KMT2D: variants seen among roughly 807,000 people sequenced by gnomAD.
The protein encoded by KMT2D is histone-lysine N-methyltransferase 2D.
KMT2D carries 55 observed loss-of-function variants against 512.7 expected under a neutral mutation model. That is an observed-to-expected ratio of 0.11 (90% confidence interval 0.09 to 0.13). The LOEUF is 0.13. Among genes scored for constraint, KMT2D ranks in the 10% least tolerant of loss-of-function variants. The pLI is 1.00. For missense variants in KMT2D, 6,061 were observed against 7,127.9 expected (o/e 0.85, Z 5.39); for synonymous variants, 2,995 against 2,904.0 (o/e 1.03, Z -1.01).
Position 49,056,556 on chromosome 12 carries a change from A to G in KMT2D, c.-37-1195T>C, listed in dbSNP as rs114632104. Among the ~76,000 whole-genome samples, 1,026 of 152,356 alleles carry G rather than the reference A, an allele frequency of 6.7e-3. 13 individuals are homozygous for G. The highest frequency in any genetic ancestry group is 0.023 in the African/African-American group (959 of 41,576). ...GTTAGCAGCTTGTAGTGGGAAATGT[A>G]GACCCTTTCTCTTAATCAGAGAAGG... On this transcript the variant is annotated intron_variant, in intron 1 of 54. Coordinates refer to ENST00000301067, the MANE Select transcript of KMT2D (RefSeq NM_003482.4).
rs1942369078 is a variant in KMT2D, at chr12:49,022,293, C to T, written c.16399G>A (p.Gly5467Ser). The change falls in exon 53 of 55, where the codon GGC becomes AGC. Residue 5467 changes from glycine (G) to serine (S), a missense_variant. Physicochemically the swap from Gly to Ser is moderately conservative, Grantham distance 56 (BLOSUM62 0). Transcript: ENST00000301067. This position sits in a 1 kb window ranked among gnomAD's most constrained non-coding sequence, Gnocchi z 8.6. Reference sequence around the variant, plus strand: ...GTCATCTCTCACCTGGCAGGGCCGCCGGTCAACGTAGCATCAATCACATGT... The same window carrying T: ...GTCATCTCTCACCTGGCAGGGCCGCTGGTCAACGTAGCATCAATCACATGT... ...NEHVIDATLTGGPARYINHSC... is the reference protein window; with the variant it reads ...NEHVIDATLTSGPARYINHSC... 1.2e-6 allele frequency: 2 copies of T among 1,605,968 alleles called. No individual in the cohort carries two copies. Among genetic ancestry groups the T allele is most frequent in the Admixed American group, 1.7e-5 (1 of 59,816 alleles).
In KMT2D at chr12:49,022,109, G is replaced by A. The variant is rs574823331; in HGVS notation, c.16455C>T (p.Val5485=). 8.7e-6 allele frequency: 14 copies of A among 1,613,938 alleles called. No individual in the cohort carries two copies. Among genetic ancestry groups the A allele is most frequent in the East Asian group, 4.5e-5 (2 of 44,894 alleles). ...TTTTGTCCTCTTTGTCAAATGTCAC[G>A]ACTTCGGCCACACAGTTAGGGGCAC... The part of the protein sequence containing the change: ...HSCAPNCVAE[V]VTFDKEDKII... Residue 5485 remains valine (V), a synonymous_variant, in exon 54 of 55, where the codon GTC becomes GTT. Transcript: ENST00000301067. This position sits in a 1 kb window ranked among gnomAD's most constrained non-coding sequence, Gnocchi z 8.6.
At chr12:49,030,242 C>A (rs778141116) in intron 43 of KMT2D, 38 bp downstream of exon 43, 17 of 1,561,586 alleles carry the variant, frequency 1.1e-5, no homozygotes, top group Non-Finnish European at 1.5e-5. Flanking sequence ...ACTCCAGCTA[C>A]CAAACTCCAC....
At position 49,034,820 on chromosome 12, in the gene KMT2D, A is replaced by G. The variant is rs766377253; in HGVS notation, c.10347T>C (p.Gly3449=). ...CCAGCCCTGAGTCTTACCTGTTCAT[A>G]CCAGGTGCCACCCCAATGCTGCCCT... is the stretch of plus-strand genomic sequence containing the variant. ...MAQGSIGVAP[G]MNRQQVSLLA... Residue 3449 remains glycine (G), a synonymous_variant, in exon 36 of 55, where the codon GGT becomes GGC. Coordinates refer to ENST00000301067, the MANE Select transcript of KMT2D (RefSeq NM_003482.4). 2 of 1,613,974 alleles carry G rather than the reference A, an allele frequency of 1.2e-6. No individual in the cohort carries two copies. The highest frequency in any genetic ancestry group is 2.2e-5 in the South Asian group (2 of 91,082).
rs897261357 is a variant in KMT2D at position 49,054,242 on chromosome 12, A to G, written c.510+65T>C. ...GTATACCCATGGTCCTTCTCATTCC[A>G]ACCTGACTCTCAGAAGCCCACCAGC... On this transcript the variant is annotated intron_variant, in intron 5 of 54. Coordinates refer to ENST00000301067, the MANE Select transcript of KMT2D (RefSeq NM_003482.4). The surrounding 1 kb of genome is among the most constrained non-coding windows in gnomAD (Gnocchi z 6.4). 1 of 1,539,262 alleles carries G rather than the reference A, an allele frequency of 6.5e-7. No individual in the cohort carries two copies. Among genetic ancestry groups the G allele is most frequent in the Non-Finnish European group, 8.8e-7 (1 of 1,135,924 alleles).
In KMT2D at chr12:49,042,483, G is replaced by A. The variant is rs755802521; in HGVS notation, c.5867+78C>T. On this transcript the variant is annotated intron_variant, in intron 28 of 54. Coordinates refer to ENST00000301067, the MANE Select transcript of KMT2D (RefSeq NM_003482.4). This position sits in a 1 kb window ranked among gnomAD's most constrained non-coding sequence, Gnocchi z 4.4. ...AGCAGGGGAAGTGCTGCAGGAGTCC[G>A]AGGGAGGCAAAGCATGAACTCAGAT... 178 of 1,547,862 alleles carry A rather than the reference G, an allele frequency of 1.1e-4. No individual in the cohort carries two copies. Among genetic ancestry groups the A allele is most frequent in the Non-Finnish European group, 1.4e-4 (160 of 1,135,758 alleles).
Position 49,041,450 on chromosome 12 carries a change from G to T in KMT2D, c.6320C>A (p.Pro2107His), listed in dbSNP as rs1418940802. 6 of 1,612,868 alleles carry T rather than the reference G, an allele frequency of 3.7e-6. No individual in the cohort carries two copies. In the Admixed American group the frequency reaches 8.3e-5, roughly 22 times the overall value. ...TDRPALHLRI[P>H]PQPGALGSPP... ...GCTGCCCAGTGCCCCTGGCTGCGGG[G>T]GAATGCGGAGATGTAGGGCCGGTCG... Residue 2107 changes from proline to histidine, a missense_variant, in exon 32 of 55, where the codon CCC (proline) becomes CAC (histidine). Around this residue, in one of 16 missense-constraint regions of KMT2D, gnomAD observed 710 missense variants for 647.3 expected, o/e 1.10. Transcript: ENST00000301067. This position sits in a 1 kb window ranked among gnomAD's most constrained non-coding sequence, Gnocchi z 5.4.
rs761707985 is a variant in KMT2D, at chr12:49,024,142, TTTA to T, written c.16052+433_16052+435del. ...ATAAAGTGCTATACAAATGTAAGGTTTTATTATTTTTCTATTATATCTCTAACT... is the reference window on the plus strand; with the variant it reads ...ATAAAGTGCTATACAAATGTAAGGTTTTATTTTTCTATTATATCTCTAACT... On this transcript the variant is annotated intron_variant, in intron 51 of 54. Coordinates refer to ENST00000301067, the MANE Select transcript of KMT2D (RefSeq NM_003482.4). The surrounding 1 kb of genome is among the most constrained non-coding windows in gnomAD (Gnocchi z 4.5). 2 of 444,136 alleles carry T rather than the reference TTTA, an allele frequency of 4.5e-6. No individual in the cohort carries two copies. The highest frequency in any genetic ancestry group is 1.6e-5 in the South Asian group (1 of 61,080). The allele number at this position is 444,136 out of a possible 1,614,324, so 27.5% of individuals were successfully genotyped here.
At position 49,030,882 on chromosome 12, in the gene KMT2D, T is replaced by TG. The variant is rs147210845; in HGVS notation, c.13671+10dup. On this transcript the variant is annotated intron_variant, in intron 41 of 54. Coordinates refer to ENST00000301067, the MANE Select transcript of KMT2D (RefSeq NM_003482.4). The stretch of plus-strand genomic sequence containing the variant: ...GGATGGGACCAGGGGGACTGTCTCC[T>TG]GGGGGGTCACCTGTTTCAGCTGTTT... The TG allele has an allele frequency of 2.7e-3, 4,310 of 1,613,634 alleles. 114 individuals carry two copies. In the African/African-American group the frequency reaches 0.05, roughly 19 times the overall value.
In KMT2D at chr12:49,031,068, T is replaced by C. The variant is rs773660301; in HGVS notation, c.13531-35A>G. The C allele has an allele frequency of 1.5e-5, 24 of 1,612,844 alleles. 1 individual carries two copies. In the South Asian group the frequency reaches 2.6e-4, roughly 18 times the overall value. ...ATAAGCCCATTGAAGGCTGCTACCC[T>C]CCTCCTCAGAGCCCTCATCTCTTCT... On this transcript the variant is annotated intron_variant, in intron 40 of 54. Transcript: ENST00000301067.
At position 49,032,821 on chromosome 12, in the gene KMT2D, G is replaced by T; in HGVS notation, c.11884C>A (p.Gln3962Lys). 2 of 1,551,040 alleles carry T rather than the reference G, an allele frequency of 1.3e-6. No individual in the cohort carries two copies. Among genetic ancestry groups the T allele is most frequent in the South Asian group, 2.4e-5 (2 of 84,026 alleles). Residue 3962 changes from glutamine (Q) to lysine (K), a missense_variant, in exon 40 of 55, where the codon CAA becomes AAA. Coordinates refer to ENST00000301067, the MANE Select transcript of KMT2D (RefSeq NM_003482.4). ...TGCTGCTGTTGAAACTGCTGCTGTT[G>T]TTGTTGCTGTTGCTGTTGTAGCTGC... The part of the protein sequence containing the change: ...QQQLQQQQQQ[Q>K]QQQFQQQQQQ...
rs1224151185 is a variant in KMT2D at position 49,045,027 on chromosome 12, A to T, written c.4742-62T>A. ...AAGCCCCAGGGAAACCAGAACTGCA[A>T]GTTTCAACCTATGTCCTTAGCTGAG... On this transcript the variant is annotated intron_variant, in intron 19 of 54. Transcript: ENST00000301067. 5 of 1,476,612 alleles carry T rather than the reference A, an allele frequency of 3.4e-6. No homozygotes were observed. The Admixed American group carries it at 8.5e-5, about 25-fold the overall frequency. 91.5% of individuals were successfully genotyped at this position (1,476,612 alleles called of 1,614,324 possible). A position where few individuals can be genotyped will look rare whatever the true frequency, so the allele number is the denominator to read the frequency against.
intron 1 of KMT2D, among the ~76,000 whole-genome samples, chr12:49,056,234 A>G (rs545356883): frequency 1.3e-5 from 2 of 152,338 alleles, no homozygotes; most frequent in Admixed American, 1.3e-4. Context: ...AGGGCAGGAC[A>G]TAGCACAGCA....
In KMT2D at chr12:49,032,867, T is replaced by C. The variant is rs1421051475; in HGVS notation, c.11838A>G (p.Gln3946=). ...GCTGCTGTTGCTGCTGTTGAAGCTGTTGCTGCTGCTGTTGTTGAAGCTGCT... is the reference window on the plus strand; with the variant it reads ...GCTGCTGTTGCTGCTGTTGAAGCTGCTGCTGCTGCTGTTGTTGAAGCTGCT... ...QQQQLQQQQQ[Q]QLQQQQQQLQ... Residue 3946 remains glutamine, a synonymous_variant, in exon 40 of 55, where the codon CAA becomes CAG. Transcript: ENST00000301067. 1 of 1,550,040 alleles carries C rather than the reference T, an allele frequency of 6.5e-7. No individual in the cohort carries two copies. The highest frequency in any genetic ancestry group is 8.7e-7 in the Non-Finnish European group (1 of 1,146,730).
At chr12:49,029,361 C>A in intron 44 of KMT2D, 40 bp downstream of exon 44, 1 of 1,556,282 alleles carries the variant, frequency 6.4e-7, no homozygotes, top group Non-Finnish European at 8.7e-7. Flanking sequence ...ACCTGTACCC[C>A]ACCCTTGTTC....
In KMT2D at chr12:49,045,784, T is replaced by G. The variant is rs1006680475; in HGVS notation, c.4741+136A>C. The G allele has an allele frequency of 6.4e-6, 5 of 780,116 alleles. No individual in the cohort carries two copies. In the African/African-American group the frequency reaches 8.6e-5, roughly 13 times the overall value. The allele number at this position is 780,116 out of a possible 1,614,324, so 48.3% of individuals were successfully genotyped here. The stretch of plus-strand genomic sequence containing the variant: ...TTGCCACTAACTTACTAGGTGACCT[T>G]GGGCAGGCCACTTAACTTCTCTGGG... On this transcript the variant is annotated intron_variant, in intron 19 of 54. Coordinates refer to ENST00000301067, the MANE Select transcript of KMT2D (RefSeq NM_003482.4).
At position 49,040,758 on chromosome 12, in the gene KMT2D, C is replaced by T. The variant is rs751524258; in HGVS notation, c.7012G>A (p.Val2338Ile). ...CCCAAGCCCGGGCTCTGGGGCTCTA[C>T]CTGAGATGCCCGAGGGGTCAGGGGG... ...KAPLTPRASQ[V>I]EPQSPGLGLR... is the part of the protein sequence containing the mutation. Residue 2338 changes from valine (V) to isoleucine (I), a missense_variant, in exon 32 of 55, where the codon GTA becomes ATA. Around this residue, in one of 16 missense-constraint regions of KMT2D, gnomAD observed 710 missense variants for 647.3 expected, o/e 1.10. Transcript: ENST00000301067. The T allele has an allele frequency of 7.4e-5, 119 of 1,613,306 alleles. No individual in the cohort carries two copies. The highest frequency in any genetic ancestry group is 1.0e-4 in the Non-Finnish European group (118 of 1,179,710).
At position 49,031,123 on chromosome 12, in the gene KMT2D, C is replaced by T. The variant is rs865878256; in HGVS notation, c.13530+52G>A. Reference sequence around the variant, plus strand: ...GACCCAGGCTCACTCATTCTGCCCCCCGCTGGCTCTAGGACCCACTCTACC... The same window carrying T: ...GACCCAGGCTCACTCATTCTGCCCCTCGCTGGCTCTAGGACCCACTCTACC... On this transcript the variant is annotated intron_variant, in intron 40 of 54. Coordinates refer to ENST00000301067, the MANE Select transcript of KMT2D (RefSeq NM_003482.4). 28 of 1,609,736 alleles carry T rather than the reference C, an allele frequency of 1.7e-5. 2 individuals carry two copies. In the Middle Eastern group the frequency reaches 4.0e-3, roughly 228 times the overall value.
At chr12:49,055,389 T>C (rs776043326) in intron 1 of KMT2D, 28 bp from the exon 2 acceptor site, 2 of 1,462,030 alleles carry the variant, frequency 1.4e-6, no homozygotes, top group Non-Finnish European at 9.5e-7. Flanking sequence ...GAGATCTATA[T>C]GCCTACTAAG....
Sources: allele counts gnomAD v4.1 joint callset (sites outside exome capture counted in the v4.1 genomes callset), GRCh38; gene constraint gnomAD v4.1.1; regional missense constraint gnomAD v4.1.1; non-coding constraint Gnocchi (gnomAD v3.1); transcripts MANE v1.5; gene names NCBI Gene and HGNC (gene_info 2026-07-23, HGNC 2026-07-21).